ZNF138: variants seen among roughly 807,000 people sequenced by gnomAD.
ZNF138 encodes the protein zinc finger protein 138.
A neutral mutation model predicts 33.0 loss-of-function variants in ZNF138; 33 were observed. The ratio of observed to expected loss-of-function variants is 1.00; its 90% CI spans 0.76 to 1.34. The LOEUF (loss-of-function observed/expected upper bound fraction) is 1.34, where lower values mean the gene tolerates loss of function less well. Among genes scored for constraint, ZNF138 ranks in the 40% most tolerant of loss-of-function variants. ZNF138 has a pLI of 0.00. For missense variants in ZNF138, 360 were observed against 370.8 expected, an observed-to-expected ratio of 0.97 and a Z score of 0.24; for synonymous variants, 139 against 120.4, an observed-to-expected ratio of 1.15 and a Z score of -1.01.
chr7:64,824,392 C>G (rs180779444), intron 3 of ZNF138, among the ~76,000 whole-genome samples: 1 of 152,334 alleles, frequency 6.6e-6, no homozygotes, highest in East Asian at 1.9e-4. Flanking sequence ...CTTGTACAGT[C>G]TGCCAAACTG....
intron 1 of ZNF138, among the ~76,000 whole-genome samples, chr7:64,795,675 CTG>C (rs1384299590): frequency 6.8e-6 from 1 of 146,754 alleles, no homozygotes; most frequent in African/African-American, 2.5e-5. Flanking sequence ...TAAAAAATCT[CTG>C]TGCCTTTTTT....
chr7:64,827,340 C>T (rs113918287), intron 3 of ZNF138, among the ~76,000 whole-genome samples: 2 of 151,842 alleles, frequency 1.3e-5, no homozygotes, highest in East Asian at 3.9e-4. Flanking sequence ...CTCTGCCTCC[C>T]GGGTTCACGC....
intron 3 of ZNF138, chr7:64,831,133 C>T (rs759989702): frequency 5.2e-5 from 80 of 1,542,382 alleles, no homozygotes; most frequent in Non-Finnish European, 6.8e-5. Flanking sequence ...TGGCAGTTTA[C>T]TTCTAGAGGC....
At chr7:64,847,714 T>C in the ZNF138 span, among the ~76,000 whole-genome samples, 1 of 152,186 alleles carries the variant, frequency 6.6e-6, no homozygotes, top group East Asian at 1.9e-4. Context: ...ATGTTTTTTT[T>C]CCACTCCATT....
chr7:64,825,363 G>C (rs1482243044), intron 3 of ZNF138, among the ~76,000 whole-genome samples: 1 of 150,426 alleles, frequency 6.6e-6, no homozygotes, highest in Non-Finnish European at 1.5e-5. Context: ...TAGTAGAGAC[G>C]GAGTCTCACC....
At chr7:64,839,876 A>G in the ZNF138 span, among the ~76,000 whole-genome samples, 5 of 152,052 alleles carry the variant, frequency 3.3e-5, no homozygotes, top group Non-Finnish European at 7.4e-5. Context: ...GAGGGCAAAA[A>G]TCTTCTTTAT....
chr7:64,830,951 A>C, intron 3 of ZNF138: 1 of 1,551,152 alleles, frequency 6.4e-7, no homozygotes, highest in Non-Finnish European at 8.7e-7. Flanking sequence ...TGTAGCATTT[A>C]CCTTTGATCT....
At chr7:64,848,537 T>C in the ZNF138 span, among the ~76,000 whole-genome samples, 1 of 151,902 alleles carries the variant, frequency 6.6e-6, no homozygotes, top group East Asian at 1.9e-4. Flanking sequence ...TCACTGAAGA[T>C]TTCTCCCCTT....
the ZNF138 span, chr7:64,852,780 C>G: frequency 1.1e-3 from 905 of 844,984 alleles, 22 homozygotes; most frequent in South Asian, 0.011. Context: ...AGCACATCCC[C>G]TGGTACTGCA....
chr7:64,846,147 CTTTTTTGGTG>C, the ZNF138 span, among the ~76,000 whole-genome samples: 2 of 152,102 alleles, frequency 1.3e-5, no homozygotes, highest in African/African-American at 4.8e-5. Context: ...CGGTACCATG[CTTTTTTGGTG>C]ACTGTGGCCT....
chr7:64,826,923 T>A (rs1440319087), intron 3 of ZNF138, among the ~76,000 whole-genome samples: 1 of 152,234 alleles, frequency 6.6e-6, no homozygotes, highest in Non-Finnish European at 1.5e-5. Context: ...GTGCTGGGAT[T>A]ACAGGTGTGA....
At chr7:64,860,221 G>A in the ZNF138 span, among the ~76,000 whole-genome samples, 1 of 152,138 alleles carries the variant, frequency 6.6e-6, no homozygotes, top group Non-Finnish European at 1.5e-5. Context: ...GCTGTAAAAT[G>A]TTTAAATCAA....
the ZNF138 span, among the ~76,000 whole-genome samples, chr7:64,843,067 G>A: frequency 3.3e-5 from 5 of 152,158 alleles, no homozygotes; most frequent in Admixed American, 1.3e-4. Flanking sequence ...GTGAAATCAT[G>A]AAATAATAAT....
At chr7:64,824,244 G>A (rs1048284849) in intron 3 of ZNF138, among the ~76,000 whole-genome samples, 1 of 152,028 alleles carries the variant, frequency 6.6e-6, no homozygotes, top group Non-Finnish European at 1.5e-5. Context: ...CATGAGAGCT[G>A]GTTCATTGAA....
chr7:64,838,377 A>G (rs4718135), downstream of ZNF138, among the ~76,000 whole-genome samples: 149,784 of 152,032 alleles, frequency 0.99, 73,825 homozygotes, highest in East Asian at 1. Flanking sequence ...GTTGCAAGGC[A>G]GGCAGGACGG....
chr7:64,844,485 G>T, the ZNF138 span, among the ~76,000 whole-genome samples: 1 of 152,028 alleles, frequency 6.6e-6, no homozygotes, highest in Non-Finnish European at 1.5e-5. Context: ...GTCTGGAGTC[G>T]ATCTCTGAAA....
intron 1 of ZNF138, among the ~76,000 whole-genome samples, chr7:64,813,714 G>A (rs916377405): frequency 1.3e-5 from 2 of 152,254 alleles, no homozygotes; most frequent in Admixed American, 6.5e-5. Context: ...GATTACAGGC[G>A]TGAGTCACCC....
intron 3 of ZNF138, among the ~76,000 whole-genome samples, chr7:64,823,969 T>C (rs1253425701): frequency 3.3e-5 from 5 of 152,096 alleles, no homozygotes; most frequent in African/African-American, 1.2e-4. Flanking sequence ...TAATACGGCT[T>C]GGTATGATTT....
At chr7:64,849,911 C>T in the ZNF138 span, among the ~76,000 whole-genome samples, 1 of 152,172 alleles carries the variant, frequency 6.6e-6, no homozygotes, top group Non-Finnish European at 1.5e-5. Context: ...GCTTTTGTGC[C>T]TTGCTGCCTG....
Sources: gnomAD v4.1 joint callset for allele counts (sites outside exome capture counted in the v4.1 genomes callset) on GRCh38, gnomAD v4.1.1 for gene constraint, MANE v1.5 for transcripts, NCBI Gene and HGNC (gene_info 2026-07-23, HGNC 2026-07-21) for gene names.